Variants in CMC2 observed in about 807,000 individuals in gnomAD.
CMC2 encodes the protein COX assembly mitochondrial protein 2 homolog.
In CMC2, 5 loss-of-function variants were observed where a neutral mutation model predicts 7.5. That is an observed-to-expected ratio of 0.66 (90% CI 0.35 to 1.40). The LOEUF (loss-of-function observed/expected upper bound fraction) is 1.40. CMC2 is among the 40% of genes most tolerant of loss of function. The pLI, the probability that CMC2 is intolerant of heterozygous loss-of-function variation, is 0.04. For synonymous variants in CMC2, 37 were observed against 31.4 expected (o/e 1.18, Z -0.60); for missense variants, 115 against 92.3 (o/e 1.25, Z -1.01).
At chr16:80,994,372 GA>G (rs200751820) in intron 2 of CMC2, among the ~76,000 whole-genome samples, 8 of 129,998 alleles carry the variant, frequency 6.2e-5, no homozygotes, top group Non-Finnish European at 4.9e-5. Context: ...AACCATGAAA[GA>G]AAAAAAAAAG....
intron 2 of CMC2, among the ~76,000 whole-genome samples, chr16:80,994,213 G>C (rs563792649): frequency 6.6e-6 from 1 of 151,884 alleles, no homozygotes; most frequent in African/African-American, 2.4e-5. Flanking sequence ...TCTCAGATAA[G>C]AATACACAAA....
At chr16:80,982,002 T>C in intron 2 of CMC2, 125 bp from the exon 3 acceptor site, 1 of 582,486 alleles carries the variant, frequency 1.7e-6, no homozygotes. Context: ...CAAGTAATAG[T>C]TAAATCACAT....
At chr16:80,978,067 C>T (rs1381160396) in intron 3 of CMC2, among the ~76,000 whole-genome samples, 2 of 79,696 alleles carry the variant, frequency 2.5e-5, no homozygotes, top group South Asian at 3.0e-4. Flanking sequence ...AGTGAGACTT[C>T]GTCTCAAAAA....
At position 80,966,510 on chromosome 16, in the gene CMC2, T is replaced by A. The variant is rs1911562295; in HGVS notation, c.*9583A>T. 1 of 152,240 alleles carries A rather than the reference T, an allele frequency of 6.6e-6. No homozygotes were observed. Among genetic ancestry groups the A allele is most frequent in the Non-Finnish European group, 1.5e-5 (1 of 68,046 alleles). The allele number at this position is 152,240 out of a possible 1,614,324, so 9.4% of individuals were successfully genotyped here. ...TGAATTTTACACTTGTATCTTGTTT[T>A]GGTCTTAGGTTGAAAATCTTGGTTT... On this transcript the variant is annotated 3_prime_UTR_variant, in exon 4 of 4. Transcript: ENST00000219400.
rs1161407461 is a variant in CMC2 at position 80,967,076 on chromosome 16, T to A, written c.*9017A>T. 1 of 152,228 alleles carries A rather than the reference T, an allele frequency of 6.6e-6. No individual in the cohort carries two copies. The highest frequency in any genetic ancestry group is 2.1e-4 in the South Asian group (1 of 4,836). The allele number at this position is 152,228 out of a possible 1,614,324, so 9.4% of individuals were successfully genotyped here. A position where few individuals can be genotyped will look rare whatever the true frequency, so the allele number is the denominator to read the frequency against. On this transcript the variant is annotated 3_prime_UTR_variant, in exon 4 of 4. Coordinates refer to ENST00000219400, the MANE Select transcript of CMC2 (RefSeq NM_020188.5). ...AATTCATTCATTCAGTGAAAAAGCA[T>A]TTATTGAATACCAATTATGTGTTAA...
chr16:81,005,916 G>A (rs543308623), intron 1 of CMC2, among the ~76,000 whole-genome samples: 28 of 152,198 alleles, frequency 1.8e-4, no homozygotes, highest in African/African-American at 6.5e-4. Flanking sequence ...CGATGTTCGC[G>A]GAATGTCAGA....
rs1006877884 is a variant in CMC2, at chr16:80,970,099, C to G, written c.*5994G>C. 10 of 152,216 alleles carry G rather than the reference C, an allele frequency of 6.6e-5. No homozygotes were observed. In the East Asian group the frequency reaches 1.7e-3, roughly 26 times the overall value. The allele number at this position is 152,216 out of a possible 1,614,324, so 9.4% of individuals were successfully genotyped here. A position where few individuals can be genotyped will look rare whatever the true frequency, so the allele number is the denominator to read the frequency against. On this transcript the variant is annotated 3_prime_UTR_variant, in exon 4 of 4. Coordinates refer to ENST00000219400, the MANE Select transcript of CMC2 (RefSeq NM_020188.5). ...ACAGACAGGTATTTAAATAACTTAC[C>G]TGACCATTGGGAGGGATGAAGAAAC...
intron 1 of CMC2, among the ~76,000 whole-genome samples, chr16:81,001,977 A>T (rs770983862): frequency 6.6e-6 from 1 of 152,178 alleles, no homozygotes; most frequent in Non-Finnish European, 1.5e-5. Context: ...TGACTCCAAG[A>T]TCCTTCCAAT....
At chr16:80,993,897 C>G (rs1968205770) in intron 2 of CMC2, among the ~76,000 whole-genome samples, 1 of 152,104 alleles carries the variant, frequency 6.6e-6, no homozygotes, top group Non-Finnish European at 1.5e-5. Flanking sequence ...GCCAAAACAA[C>G]TTTGAAAAAA....
At chr16:80,979,649 C>G (rs554292976) in intron 3 of CMC2, among the ~76,000 whole-genome samples, 1 of 151,962 alleles carries the variant, frequency 6.6e-6, no homozygotes, top group Admixed American at 6.6e-5. Context: ...GACAGAGTCT[C>G]TCACTCTGTC....
intron 2 of CMC2, among the ~76,000 whole-genome samples, chr16:80,990,956 G>T (rs142937161): frequency 0.015 from 2,317 of 151,124 alleles, 13 homozygotes; most frequent in Middle Eastern, 0.045. Context: ...TGAACTCCTG[G>T]GCTCAAGCAA....
At position 80,969,755 on chromosome 16, in the gene CMC2, T is replaced by C. The variant is rs1005390855; in HGVS notation, c.*6338A>G. ...GGACAAAAAAATTAGCCGGGCATCA[T>C]GGTGCATGCCTGTAATCCCAGCTAC... On this transcript the variant is annotated 3_prime_UTR_variant, in exon 4 of 4. Transcript: ENST00000219400. The C allele has an allele frequency of 1.3e-5, 2 of 152,278 alleles. No individual in the cohort carries two copies. The highest frequency in any genetic ancestry group is 2.9e-5 in the Non-Finnish European group (2 of 68,120). 9.4% of individuals were successfully genotyped at this position (152,278 alleles called of 1,614,324 possible).
At chr16:81,000,834 C>T (rs935872441) in intron 1 of CMC2, among the ~76,000 whole-genome samples, 8 of 152,270 alleles carry the variant, frequency 5.3e-5, no homozygotes, top group African/African-American at 1.9e-4. Context: ...TCCAGCAATC[C>T]CATTACTGGG....
intron 1 of CMC2, among the ~76,000 whole-genome samples, chr16:81,006,010 G>C (rs905670925): frequency 6.6e-6 from 1 of 152,130 alleles, no homozygotes; most frequent in Non-Finnish European, 1.5e-5. Context: ...AAGTGCAAAA[G>C]CCATACATAT....
Position 80,991,667 on chromosome 16 carries a change from A to T in CMC2, c.81+5647T>A, listed in dbSNP as rs1968004774. 4.2e-5 allele frequency: 9 copies of T among 216,138 alleles called. No homozygotes were observed. The South Asian group carries it at 5.5e-4, about 13-fold the overall frequency. 13.4% of individuals were successfully genotyped at this position (216,138 alleles called of 1,614,324 possible). ...AAAAAAAAAAAGGTACAGAAACCTAACACGTATCTCAGCCAGGTGATCAAC... is the reference window on the plus strand; with the variant it reads ...AAAAAAAAAAAGGTACAGAAACCTATCACGTATCTCAGCCAGGTGATCAAC... On this transcript the variant is annotated intron_variant, in intron 2 of 3. Coordinates refer to ENST00000219400, the MANE Select transcript of CMC2 (RefSeq NM_020188.5).
chr16:80,968,749 A>G lies in CMC2; in HGVS notation c.*7344T>C, dbSNP rs1411173731. Reference sequence around the variant, plus strand: ...TAAAGGTGTAGTTGAGCTCACAAGAAAGGAAAGAAAATCCTTGGGGGTTGA... The same window carrying G: ...TAAAGGTGTAGTTGAGCTCACAAGAGAGGAAAGAAAATCCTTGGGGGTTGA... On this transcript the variant is annotated 3_prime_UTR_variant, in exon 4 of 4. Coordinates refer to ENST00000219400, the MANE Select transcript of CMC2 (RefSeq NM_020188.5). 4 of 152,256 alleles carry G rather than the reference A, an allele frequency of 2.6e-5. No individual in the cohort carries two copies. Among genetic ancestry groups the G allele is most frequent in the South Asian group, 4.1e-4 (2 of 4,830 alleles). 9.4% of individuals were successfully genotyped at this position (152,256 alleles called of 1,614,324 possible).
intron 2 of CMC2, chr16:80,982,958 T>G (rs910651233): frequency 2.2e-5 from 4 of 184,892 alleles, no homozygotes; most frequent in African/African-American, 9.5e-5. Flanking sequence ...AGGAAAAAGT[T>G]GAACTACTTG....
intron 3 of CMC2, chr16:80,980,762 G>A: frequency 1.5e-6 from 1 of 687,858 alleles, no homozygotes; most frequent in Non-Finnish European, 2.6e-6. Flanking sequence ...AGGCATGGTG[G>A]TACGCACCTG....
intron 2 of CMC2, among the ~76,000 whole-genome samples, chr16:80,994,076 AC>A (rs1244005712): frequency 1.3e-5 from 2 of 152,270 alleles, no homozygotes; most frequent in African/African-American, 4.8e-5. Flanking sequence ...TGACAAAGGG[AC>A]CATGGTAAAT....
Sources: allele counts gnomAD v4.1 joint callset (sites outside exome capture counted in the v4.1 genomes callset), GRCh38; gene constraint gnomAD v4.1.1; transcripts MANE v1.5; gene names NCBI Gene and HGNC (gene_info 2026-07-23, HGNC 2026-07-21).